Variants in PHLPP1 observed in about 807,000 individuals in gnomAD.
The protein encoded by PHLPP1 is PH domain and leucine rich repeat protein phosphatase 1, also known as PH domain leucine-rich repeat-containing protein phosphatase 1.
Under a neutral mutation model 117.2 loss-of-function variants are expected in PHLPP1, and 42 were observed. The ratio of observed to expected loss-of-function variants is 0.36; its 90% CI spans 0.28 to 0.46. The LOEUF is 0.46. Ranked by LOEUF, PHLPP1 falls within the 20% of genes least tolerant of loss-of-function variation. The probability of loss-of-function intolerance (pLI) is 1.00; values close to 1 mark genes in which losing one functional copy is unlikely to be tolerated. For synonymous variants in PHLPP1, 1,042 were observed against 970.7 expected (o/e 1.07, Z -1.37); for missense variants, 2,084 against 2,241.9 (o/e 0.93, Z 1.42).
chr18:62,754,407 C>CT (rs1412153462), intron 1 of PHLPP1, among the ~76,000 whole-genome samples: 1 of 152,172 alleles, frequency 6.6e-6, no homozygotes, highest in African/African-American at 2.4e-5. Context: ...AGTCTTCATA[C>CT]TTTTTTTCCC....
chr18:62,903,047 T>C lies in PHLPP1; in HGVS notation c.2528T>C (p.Leu843Pro), dbSNP rs1916764629. The C allele has an allele frequency of 6.2e-7, 1 of 1,613,094 alleles. No homozygotes were observed. The highest frequency in any genetic ancestry group is 8.5e-7 in the Non-Finnish European group (1 of 1,179,322). The change falls in exon 7 of 17, where the codon CTT (leucine) becomes CCT (proline). Residue 843 changes from leucine (L) to proline (P), a missense_variant. Leu to Pro is a moderately conservative substitution (Grantham distance 98). Transcript: ENST00000262719. ...VTQLDLRDNK[L>P]GDLDAMIFNN... Reference sequence around the variant, plus strand: ...CAGCTTGACCTACGAGACAATAAGCTTGGTGATCTAGATGCTATGATTTTC... The same window carrying C: ...CAGCTTGACCTACGAGACAATAAGCCTGGTGATCTAGATGCTATGATTTTC...
At chr18:62,791,175 T>G (rs1312625317) in intron 1 of PHLPP1, among the ~76,000 whole-genome samples, 1 of 152,162 alleles carries the variant, frequency 6.6e-6, no homozygotes, top group Non-Finnish European at 1.5e-5. Context: ...TTTGTAGTTT[T>G]TAAAAAATTT....
intron 3 of PHLPP1, chr18:62,839,298 G>T: frequency 5.8e-6 from 1 of 173,242 alleles, no homozygotes; most frequent in Non-Finnish European, 1.2e-5. Flanking sequence ...CATATAAATA[G>T]TCTAATATTA....
At chr18:62,967,814 T>A (rs528185382) in intron 14 of PHLPP1, among the ~76,000 whole-genome samples, 18 of 152,036 alleles carry the variant, frequency 1.2e-4, no homozygotes, top group Admixed American at 4.6e-4. Context: ...TTGGTCACGA[T>A]GTAGTATATT....
At chr18:62,804,935 A>C (rs1443523963) in intron 1 of PHLPP1, among the ~76,000 whole-genome samples, 2 of 149,342 alleles carry the variant, frequency 1.3e-5, no homozygotes, top group African/African-American at 4.9e-5. Context: ...TAGGTTATAC[A>C]TATACAGTAT....
intron 3 of PHLPP1, among the ~76,000 whole-genome samples, chr18:62,850,791 T>C (rs1915326637): frequency 6.6e-6 from 1 of 152,182 alleles, no homozygotes; most frequent in South Asian, 2.1e-4. Flanking sequence ...GACCCTATAC[T>C]GTTGCATCTG....
chr18:62,824,873 A>G (rs886152130), intron 1 of PHLPP1, among the ~76,000 whole-genome samples: 50 of 152,184 alleles, frequency 3.3e-4, no homozygotes, highest in Middle Eastern at 3.4e-3. Flanking sequence ...TTTTACTTAT[A>G]ATGGACCACC....
chr18:62,971,236 T>C (rs1214966400), intron 14 of PHLPP1, among the ~76,000 whole-genome samples: 1 of 152,214 alleles, frequency 6.6e-6, no homozygotes, highest in Non-Finnish European at 1.5e-5. Context: ...TTTCTTCATA[T>C]TGGAAATGTT....
chr18:62,914,790 G>A (rs536156750), intron 8 of PHLPP1, 123 bp from the exon 9 acceptor site: 293 of 651,484 alleles, frequency 4.5e-4, no homozygotes, highest in Non-Finnish European at 6.7e-4. Flanking sequence ...ACATTCTTTC[G>A]ATTTATGCCC....
At chr18:62,925,832 T>C (rs796155157) in intron 10 of PHLPP1, among the ~76,000 whole-genome samples, 27 of 152,326 alleles carry the variant, frequency 1.8e-4, no homozygotes, top group African/African-American at 6.3e-4. Flanking sequence ...GGCTCTTATC[T>C]CAGGTCTTCT....
intron 1 of PHLPP1, among the ~76,000 whole-genome samples, chr18:62,718,408 A>G (rs1910825068): frequency 6.6e-6 from 1 of 152,220 alleles, no homozygotes; most frequent in African/African-American, 2.4e-5. Context: ...CCCAGTGGCA[A>G]TTTAATTAGT....
rs1279059019 is a variant in PHLPP1, at chr18:62,976,124, G to A, written c.3984+499G>A. 3.9e-5 allele frequency among the ~76,000 whole-genome samples: 6 copies of A among 152,160 alleles called. No individual in the cohort carries two copies. The South Asian group carries it at 1.0e-3, about 26-fold the overall frequency. On this transcript the variant is annotated intron_variant, in intron 16 of 16. Coordinates refer to ENST00000262719, the MANE Select transcript of PHLPP1 (RefSeq NM_194449.4). ...TTGGTTCATACCTCATGTCCCATTT[G>A]AGTACACAGTAAGCAGTTTTCAACT...
At chr18:62,764,317 C>T (rs1484730022) in intron 1 of PHLPP1, among the ~76,000 whole-genome samples, 1 of 152,142 alleles carries the variant, frequency 6.6e-6, no homozygotes, top group Non-Finnish European at 1.5e-5. Context: ...TGTCCTCAGC[C>T]CCATCCACTT....
intron 4 of PHLPP1, among the ~76,000 whole-genome samples, chr18:62,866,870 C>T (rs1915784016): frequency 6.6e-6 from 1 of 152,154 alleles, no homozygotes; most frequent in Non-Finnish European, 1.5e-5. Context: ...CATCCCTCTA[C>T]TGCACACACC....
chr18:62,932,927 G>T (rs1377600882), intron 10 of PHLPP1, among the ~76,000 whole-genome samples: 1 of 152,130 alleles, frequency 6.6e-6, no homozygotes, highest in Non-Finnish European at 1.5e-5. Flanking sequence ...TCAGGATTCA[G>T]AATCAGCACC....
chr18:62,726,430 G>A (rs1911073015), intron 1 of PHLPP1, among the ~76,000 whole-genome samples: 1 of 150,878 alleles, frequency 6.6e-6, no homozygotes, highest in Non-Finnish European at 1.5e-5. Context: ...TTCTTTATCT[G>A]TTCACTTTTA....
chr18:62,959,591 G>C (rs935695793), intron 13 of PHLPP1, among the ~76,000 whole-genome samples: 18 of 152,116 alleles, frequency 1.2e-4, no homozygotes, highest in African/African-American at 4.3e-4. Context: ...TATATCAGTA[G>C]CAGTTTTAAA....
At chr18:62,838,072 A>G (rs1199931701) in intron 2 of PHLPP1, 1 of 151,960 alleles carries the variant, frequency 6.6e-6, no homozygotes, top group African/African-American at 2.4e-5. Flanking sequence ...AAATATATAT[A>G]TATATAAATT....
At chr18:62,822,765 T>C (rs1451680940) in intron 1 of PHLPP1, among the ~76,000 whole-genome samples, 2 of 152,194 alleles carry the variant, frequency 1.3e-5, no homozygotes, top group African/African-American at 4.8e-5. Context: ...CCAACTGGTT[T>C]CACAAATAAT....
Sources: gnomAD v4.1 joint callset for allele counts (sites outside exome capture counted in the v4.1 genomes callset) on GRCh38, gnomAD v4.1.1 for gene constraint, MANE v1.5 for transcripts, NCBI Gene and HGNC (gene_info 2026-07-23, HGNC 2026-07-21) for gene names.